PCDHGA2: variants seen among roughly 807,000 people sequenced by gnomAD.
PCDHGA2 encodes protocadherin gamma-A2.
Under a neutral mutation model 59.2 loss-of-function variants are expected in PCDHGA2, and 40 were observed. The observed-to-expected ratio is 0.68, with a 90% CI of 0.52 to 0.88. PCDHGA2 has a LOEUF of 0.88. PCDHGA2 is among the 40% of genes least tolerant of loss of function. The probability of loss-of-function intolerance (pLI) is 0.00; values close to 1 mark genes in which losing one functional copy is unlikely to be tolerated. For missense variants in PCDHGA2, 1,226 were observed against 1,204.0 expected (o/e 1.02, Z -0.27); for synonymous variants, 560 against 526.0 (o/e 1.06, Z -0.89).
At chr5:141,348,270 G>C (rs958949578) in intron 1 of PCDHGA2, among the ~76,000 whole-genome samples, 1 of 152,188 alleles carries the variant, frequency 6.6e-6, no homozygotes, top group Non-Finnish European at 1.5e-5. Context: ...CACAAAAGCT[G>C]TAAGCAGAGT....
intron 1 of PCDHGA2, among the ~76,000 whole-genome samples, chr5:141,354,668 G>A (rs1759606143): frequency 6.6e-6 from 1 of 152,128 alleles, no homozygotes; most frequent in African/African-American, 2.4e-5. Context: ...TTGTCTTTAG[G>A]AGAGATAATT....
chr5:141,361,731 G>A, intron 1 of PCDHGA2: 3 of 1,613,190 alleles, frequency 1.9e-6, no homozygotes, highest in Non-Finnish European at 2.5e-6. Flanking sequence ...AGCTCACACT[G>A]CAGGCCCGCG....
In PCDHGA2 at chr5:141,351,812, C is replaced by T. The variant is rs572024020; in HGVS notation, c.2424+10417C>T. The T allele has an allele frequency of 1.4e-5, 23 of 1,613,190 alleles. No individual in the cohort carries two copies. Among genetic ancestry groups the T allele is most frequent in the Non-Finnish European group, 1.7e-5 (20 of 1,179,878 alleles). ...GGTGTTCGCGCAGCGCGCCTTCGAC[C>T]ACGAGCAGCTGCGCGCCTTCGAGCT... On this transcript the variant is annotated intron_variant, in intron 1 of 3. Coordinates refer to ENST00000394576, the MANE Select transcript of PCDHGA2 (RefSeq NM_018915.4).
At chr5:141,352,075 G>T in intron 1 of PCDHGA2, 1 of 1,604,858 alleles carries the variant, frequency 6.2e-7, no homozygotes, top group East Asian at 2.2e-5. Flanking sequence ...ACCACGTGCT[G>T]CAGGCCAGCG....
chr5:141,432,934 G>GC lies in PCDHGA2; in HGVS notation c.2425-61872dup. On this transcript the variant is annotated intron_variant, in intron 1 of 3. Transcript: ENST00000394576. The surrounding 1 kb of genome is among the most constrained non-coding windows in gnomAD (Gnocchi z 6.0). ...GGCGCTGGCACAAGTCACGCCTGCT[G>GC]CAGGCTTCAGGAGGCGGCTTGACAG... The GC allele has an allele frequency of 6.2e-7, 1 of 1,614,196 alleles. No individual in the cohort carries two copies. Among genetic ancestry groups the GC allele is most frequent in the Non-Finnish European group, 8.5e-7 (1 of 1,180,040 alleles).
chr5:141,438,180 A>G (rs2097937602), intron 1 of PCDHGA2, among the ~76,000 whole-genome samples: 1 of 152,204 alleles, frequency 6.6e-6, no homozygotes, highest in African/African-American at 2.4e-5. Context: ...AATATTTTAT[A>G]AAGGATGAGA....
intron 1 of PCDHGA2, chr5:141,361,524 G>T (rs551885796): frequency 6.2e-7 from 1 of 1,614,056 alleles, no homozygotes; most frequent in South Asian, 1.1e-5. Context: ...ACGTGGCAGA[G>T]AACAATCCTC....
At chr5:141,465,887 C>A (rs1267304672) in intron 1 of PCDHGA2, among the ~76,000 whole-genome samples, 1 of 152,040 alleles carries the variant, frequency 6.6e-6, no homozygotes, top group Non-Finnish European at 1.5e-5. Flanking sequence ...CTTTGGGAGG[C>A]CGAGGCGGGC....
chr5:141,350,369 G>A (rs2149756755), intron 1 of PCDHGA2: 2 of 1,582,152 alleles, frequency 1.3e-6, no homozygotes, highest in East Asian at 2.2e-5. Context: ...CACGATTCCA[G>A]AGGAGCTAGC....
chr5:141,414,934 G>A (rs1473788181), intron 1 of PCDHGA2: 1 of 1,614,146 alleles, frequency 6.2e-7, no homozygotes, highest in South Asian at 1.1e-5. Context: ...CCGCTCCGCA[G>A]AGCCCGGCTA....
intron 1 of PCDHGA2, chr5:141,391,637 G>T (rs2092401462): frequency 1.3e-5 from 2 of 152,192 alleles, no homozygotes; most frequent in Admixed American, 6.5e-5. Flanking sequence ...TTTAGTCAGT[G>T]AAAAAACTAT....
At chr5:141,404,897 C>A in intron 1 of PCDHGA2, 1 of 1,613,920 alleles carries the variant, frequency 6.2e-7, no homozygotes, top group African/African-American at 1.3e-5. Context: ...TGTACAGGAC[C>A]ATGGCCAGCC....
chr5:141,430,996 G>T, intron 1 of PCDHGA2: 1 of 1,614,024 alleles, frequency 6.2e-7, no homozygotes, highest in Middle Eastern at 1.6e-4. Flanking sequence ...CCCTGAATCC[G>T]CGCAGCGGCA....
At chr5:141,484,362 A>T (rs1460176695) in intron 1 of PCDHGA2, among the ~76,000 whole-genome samples, 1 of 152,196 alleles carries the variant, frequency 6.6e-6, no homozygotes, top group Non-Finnish European at 1.5e-5. Context: ...TATCTAGTGT[A>T]TCACTAGCAA....
In PCDHGA2 at chr5:141,476,853, A is replaced by G; in HGVS notation, c.2425-17954A>G. ...AATGACAATGCGCCTGTCTTCAACCAGTCCTTGTACCGGGCGCGCGTCCTG... is the reference window on the plus strand; with the variant it reads ...AATGACAATGCGCCTGTCTTCAACCGGTCCTTGTACCGGGCGCGCGTCCTG... On this transcript the variant is annotated intron_variant, in intron 1 of 3. Coordinates refer to ENST00000394576, the MANE Select transcript of PCDHGA2 (RefSeq NM_018915.4). This position sits in a 1 kb window ranked among gnomAD's most constrained non-coding sequence, Gnocchi z 7.6. The G allele has an allele frequency of 6.2e-7, 1 of 1,613,870 alleles. No individual in the cohort carries two copies. Among genetic ancestry groups the G allele is most frequent in the Non-Finnish European group, 8.5e-7 (1 of 1,180,042 alleles).
intron 1 of PCDHGA2, chr5:141,403,328 A>G: frequency 1.8e-5 from 29 of 1,613,998 alleles, no homozygotes; most frequent in Non-Finnish European, 2.4e-5. Context: ...AGTAACTGAT[A>G]TTAACGACAG....
intron 3 of PCDHGA2, among the ~76,000 whole-genome samples, chr5:141,510,538 G>A (rs1423013528): frequency 1.3e-5 from 2 of 152,216 alleles, no homozygotes; most frequent in East Asian, 1.9e-4. Context: ...AAATACCAGC[G>A]AATGTGTTTT....
intron 1 of PCDHGA2, chr5:141,478,260 T>C (rs1340624663): frequency 6.2e-7 from 1 of 1,614,182 alleles, no homozygotes; most frequent in East Asian, 2.2e-5. Context: ...GTAATCATAT[T>C]CAAAGTTTAC....
chr5:141,366,854 C>A (rs1018356495), intron 1 of PCDHGA2: 8 of 1,453,350 alleles, frequency 5.5e-6, no homozygotes, highest in Non-Finnish European at 7.4e-6. Context: ...AATAGTGGAA[C>A]ATTATTTGCT....
Sources: allele counts gnomAD v4.1 joint callset (sites outside exome capture counted in the v4.1 genomes callset), GRCh38; gene constraint gnomAD v4.1.1; non-coding constraint Gnocchi (gnomAD v3.1); transcripts MANE v1.5; gene names NCBI Gene and HGNC (gene_info 2026-07-23, HGNC 2026-07-21).